BAG4: variants seen among roughly 807,000 people sequenced by gnomAD.
BAG4 encodes BAG family molecular chaperone regulator 4.
BAG4 carries 28 observed loss-of-function variants against 52.1 expected under a neutral mutation model. That is an observed-to-expected ratio of 0.54 (90% CI 0.40 to 0.74). The LOEUF (loss-of-function observed/expected upper bound fraction) is 0.74, where lower values mean the gene tolerates loss of function less well. Ranked by LOEUF, BAG4 falls within the 30% of genes least tolerant of loss-of-function variation. The pLI is 0.00. For missense variants in BAG4, 525 were observed against 572.0 expected, an observed-to-expected ratio of 0.92 and a Z score of 0.84; for synonymous variants, 208 against 217.0, an observed-to-expected ratio of 0.96 and a Z score of 0.37.
intron 1 of BAG4, among the ~76,000 whole-genome samples, chr8:38,181,783 T>TG (rs1382966915): frequency 1.4e-5 from 2 of 146,416 alleles, no homozygotes; most frequent in Non-Finnish European, 3.0e-5. Flanking sequence ...CGGGCGCCTG[T>TG]AATTGCAGCT....
At chr8:38,178,413 C>T (rs1803206998) in intron 1 of BAG4, among the ~76,000 whole-genome samples, 4 of 152,216 alleles carry the variant, frequency 2.6e-5, no homozygotes, top group Admixed American at 2.6e-4. Flanking sequence ...TCCCCTGCCC[C>T]TCGGCCTCCC....
At chr8:38,201,394 C>T (rs1466488159) in intron 2 of BAG4, among the ~76,000 whole-genome samples, 1 of 152,096 alleles carries the variant, frequency 6.6e-6, no homozygotes, top group Non-Finnish European at 1.5e-5. Context: ...TCACTGTAAC[C>T]TTGAACTCCT....
At chr8:38,201,867 TATATATATATATA>T (rs376487137) in intron 2 of BAG4, 526 of 10,228 alleles carry the variant, frequency 0.051, 21 homozygotes, top group Non-Finnish European at 0.072. Flanking sequence ...TATATATATA[TATATATATATATA>T]TTTTTTTTTT....
chr8:38,212,738 A>G lies in BAG4; in HGVS notation c.*2245A>G, dbSNP rs975383270. On this transcript the variant is annotated 3_prime_UTR_variant, in exon 5 of 5. Coordinates refer to ENST00000287322, the MANE Select transcript of BAG4 (RefSeq NM_004874.4). ...AAGGTGGTGTCTGCTAGGATTCGCTACTGTAAACTTACTGTGTTTTCCTTG... is the reference window on the plus strand; with the variant it reads ...AAGGTGGTGTCTGCTAGGATTCGCTGCTGTAAACTTACTGTGTTTTCCTTG... The G allele has an allele frequency of 6.6e-6, 1 of 152,178 alleles. No individual in the cohort carries two copies. The allele number at this position is 152,178 out of a possible 1,614,324, so 9.4% of individuals were successfully genotyped here.
At chr8:38,208,467 G>A (rs1447763346) in intron 3 of BAG4, among the ~76,000 whole-genome samples, 14 of 147,942 alleles carry the variant, frequency 9.5e-5, no homozygotes, top group African/African-American at 3.5e-4. Flanking sequence ...CCGCCACCGC[G>A]CCCAGCTAAT....
Position 38,213,098 on chromosome 8 carries a change from A to G in BAG4, c.*2605A>G, listed in dbSNP as rs1214804374. 1 of 152,206 alleles carries G rather than the reference A, an allele frequency of 6.6e-6. No homozygotes were observed. Among genetic ancestry groups the G allele is most frequent in the Non-Finnish European group, 1.5e-5 (1 of 68,036 alleles). The allele number at this position is 152,206 out of a possible 1,614,324, so 9.4% of individuals were successfully genotyped here. ...CTAAGTTGGTAATCTATCTCAGAAA[A>G]TATATGAACTTAAGAAGGAAAATAG... is the stretch of plus-strand genomic sequence containing the variant. On this transcript the variant is annotated 3_prime_UTR_variant, in exon 5 of 5. Coordinates refer to ENST00000287322, the MANE Select transcript of BAG4 (RefSeq NM_004874.4).
chr8:38,190,513 T>G (rs915238172), intron 1 of BAG4, among the ~76,000 whole-genome samples: 4 of 150,760 alleles, frequency 2.7e-5, no homozygotes, highest in Non-Finnish European at 5.9e-5. Flanking sequence ...ACCATAACCT[T>G]GAATTTCTGG....
chr8:38,208,435 G>A lies in BAG4; in HGVS notation c.634-578G>A, dbSNP rs1024784127. On this transcript the variant is annotated intron_variant, in intron 3 of 4. Coordinates refer to ENST00000287322, the MANE Select transcript of BAG4 (RefSeq NM_004874.4). ...TGCCATTCTCCGGCCTCAGCCTCCC[G>A]AGTAGCTGGGACTACAAGCGCCCGC... Among the ~76,000 whole-genome samples the A allele has an allele frequency of 1.4e-4, 20 of 146,974 alleles. No homozygotes were observed. In the South Asian group the frequency reaches 1.5e-3, roughly 11 times the overall value.
At chr8:38,207,329 T>G (rs1208028078) in intron 2 of BAG4, among the ~76,000 whole-genome samples, 183 bp from the exon 3 acceptor site, 2 of 152,078 alleles carry the variant, frequency 1.3e-5, no homozygotes, top group African/African-American at 4.8e-5. Flanking sequence ...CTCAAACTCC[T>G]GACCTCAAAT....
intron 1 of BAG4, among the ~76,000 whole-genome samples, chr8:38,184,943 G>T (rs1803340230): frequency 6.6e-6 from 1 of 152,090 alleles, no homozygotes; most frequent in African/African-American, 2.4e-5. Context: ...ACAAAAATTA[G>T]CTGGGCGTTG....
intron 2 of BAG4, chr8:38,201,868 ATATATATATATATTTTTTTTTTTTTTTT>A (rs1803677560): frequency 1.5e-4 from 1 of 6,474 alleles, no homozygotes; most frequent in South Asian, 4.3e-3. Flanking sequence ...ATATATATAT[ATATATATATATATTTTTTTTTTTTTTTT>A]TTTTTTTTTT....
chr8:38,177,500 C>G (rs1460202742), intron 1 of BAG4, among the ~76,000 whole-genome samples: 2 of 152,180 alleles, frequency 1.3e-5, no homozygotes, highest in African/African-American at 2.4e-5. Flanking sequence ...GGCAGGCCGG[C>G]TCTCCCGGGG....
Position 38,211,445 on chromosome 8 carries a change from G to A in BAG4, c.*952G>A, listed in dbSNP as rs1337304695. Reference sequence around the variant, plus strand: ...TCTATAGAGGGCATTGTGATAGAGAGTTACAGATGAAACATTAAATGCCAC... The same window carrying A: ...TCTATAGAGGGCATTGTGATAGAGAATTACAGATGAAACATTAAATGCCAC... On this transcript the variant is annotated 3_prime_UTR_variant, in exon 5 of 5. Transcript: ENST00000287322. The A allele has an allele frequency of 6.6e-6, 1 of 150,534 alleles. No individual in the cohort carries two copies. The highest frequency in any genetic ancestry group is 6.6e-5 in the Admixed American group (1 of 15,052). 9.3% of individuals were successfully genotyped at this position (150,534 alleles called of 1,614,324 possible). A position where few individuals can be genotyped will look rare whatever the true frequency, so the allele number is the denominator to read the frequency against.
chr8:38,184,356 A>G (rs1021559594), intron 1 of BAG4, among the ~76,000 whole-genome samples: 6 of 151,752 alleles, frequency 4.0e-5, no homozygotes, highest in African/African-American at 1.5e-4. Flanking sequence ...ATTCCTAGCT[A>G]CTCAGGAGGC....
chr8:38,187,224 T>C (rs75019597), intron 1 of BAG4, among the ~76,000 whole-genome samples: 6 of 152,162 alleles, frequency 3.9e-5, no homozygotes, highest in Non-Finnish European at 8.8e-5. Context: ...GATAATGTCA[T>C]GTCAAATAGG....
At chr8:38,197,682 C>CT (rs1158319282) in intron 2 of BAG4, among the ~76,000 whole-genome samples, 4 of 152,248 alleles carry the variant, frequency 2.6e-5, no homozygotes, top group Middle Eastern at 6.8e-3. Context: ...AACTTTTTTA[C>CT]TTTATAAACT....
chr8:38,205,704 A>G (rs1354428252), intron 2 of BAG4, among the ~76,000 whole-genome samples: 2 of 152,062 alleles, frequency 1.3e-5, no homozygotes, highest in Non-Finnish European at 2.9e-5. Context: ...TGCATTGCTG[A>G]CTGTTTATTA....
intron 1 of BAG4, among the ~76,000 whole-genome samples, chr8:38,190,062 G>T (rs1473666621): frequency 6.6e-6 from 1 of 152,186 alleles, no homozygotes; most frequent in Admixed American, 6.6e-5. Flanking sequence ...TGGGATTACA[G>T]GTGTGAGCCG....
At chr8:38,193,245 T>G (rs1803505074) in intron 2 of BAG4, among the ~76,000 whole-genome samples, 1 of 151,610 alleles carries the variant, frequency 6.6e-6, no homozygotes, top group African/African-American at 2.4e-5. Context: ...ATGGTGAAAC[T>G]CCATCTCTAC....
Sources: gnomAD v4.1 joint callset for allele counts (sites outside exome capture counted in the v4.1 genomes callset) on GRCh38, gnomAD v4.1.1 for gene constraint, MANE v1.5 for transcripts, NCBI Gene and HGNC (gene_info 2026-07-23, HGNC 2026-07-21) for gene names.